The following MTUS2 variants were observed in gnomAD, a reference collection of about 807,000 sequenced individuals.
The protein encoded by MTUS2 is microtubule-associated tumor suppressor candidate 2.
MTUS2 carries 40 observed loss-of-function variants against 114.1 expected under a neutral mutation model. The ratio of observed to expected loss-of-function variants is 0.35; its 90% confidence interval spans 0.27 to 0.46. The LOEUF is 0.46. Among genes scored for constraint, MTUS2 ranks in the 20% least tolerant of loss-of-function variants. MTUS2 has a pLI of 1.00. For synonymous variants in MTUS2, 688 were observed against 672.0 expected, an observed-to-expected ratio of 1.02 and a Z score of -0.37; for missense variants, 1,679 against 1,705.4, an observed-to-expected ratio of 0.98 and a Z score of 0.27.
At chr13:28,976,426 C>G (rs1351300602) in intron 2 of MTUS2, among the ~76,000 whole-genome samples, 5 of 152,106 alleles carry the variant, frequency 3.3e-5, no homozygotes, top group African/African-American at 1.2e-4. Context: ...GCCTGGCTTT[C>G]ATCGAGTAAG....
intron 2 of MTUS2, among the ~76,000 whole-genome samples, chr13:28,964,505 T>G (rs7335917): frequency 6.6e-6 from 1 of 152,098 alleles, no homozygotes; most frequent in Non-Finnish European, 1.5e-5. Flanking sequence ...AGTCTTGTCT[T>G]GTTCACTGGC....
chr13:29,314,864 A>G (rs1211218768), intron 6 of MTUS2, among the ~76,000 whole-genome samples: 1 of 152,208 alleles, frequency 6.6e-6, no homozygotes, highest in Non-Finnish European at 1.5e-5. Context: ...TTGTAGAGGT[A>G]TCTGGACTCT....
intron 7 of MTUS2, among the ~76,000 whole-genome samples, chr13:29,354,139 A>T (rs1010483430): frequency 6.6e-6 from 1 of 152,184 alleles, no homozygotes; most frequent in African/African-American, 2.4e-5. Flanking sequence ...AGCTTAAGCA[A>T]CTGTAGACTC....
At chr13:29,106,154 C>T (rs552734908) in intron 5 of MTUS2, among the ~76,000 whole-genome samples, 2 of 152,274 alleles carry the variant, frequency 1.3e-5, no homozygotes, top group African/African-American at 4.8e-5. Context: ...CTCCGATGTC[C>T]CTCTAGAACT....
At chr13:28,908,280 A>G (rs561818233) in intron 2 of MTUS2, among the ~76,000 whole-genome samples, 2 of 151,312 alleles carry the variant, frequency 1.3e-5, no homozygotes, top group Admixed American at 6.6e-5. Context: ...TCCAAACGCT[A>G]TCCCTTCCAC....
At chr13:29,012,379 C>T (rs561884644) in intron 2 of MTUS2, among the ~76,000 whole-genome samples, 1 of 152,264 alleles carries the variant, frequency 6.6e-6, no homozygotes, top group South Asian at 2.1e-4. Flanking sequence ...TTGGGATTCT[C>T]CGGCAGCTAC....
At chr13:29,022,933 C>T (rs1011238790) in intron 2 of MTUS2, among the ~76,000 whole-genome samples, 4 of 152,138 alleles carry the variant, frequency 2.6e-5, no homozygotes, top group Admixed American at 1.3e-4. Flanking sequence ...ATACATAATA[C>T]GTGCCTAATA....
chr13:29,281,675 A>G (rs1320200697), intron 5 of MTUS2, 29 bp from the exon 6 acceptor site: 10 of 1,564,174 alleles, frequency 6.4e-6, no homozygotes, highest in Non-Finnish European at 8.7e-6. Context: ...TCATGAAGTT[A>G]TAATTAACAC....
intron 8 of MTUS2, among the ~76,000 whole-genome samples, chr13:29,385,943 TTTATAATG>T (rs762702135): frequency 2.0e-5 from 3 of 152,196 alleles, no homozygotes; most frequent in Non-Finnish European, 4.4e-5. Context: ...TGTAGCACAT[TTTATAATG>T]AAGCCTATAA....
rs1377629995 is a variant in MTUS2 at position 29,195,109 on chromosome 13, G to C, written c.2645-86595G>C. ...GGACTGTTGTGGGGTGGGGGGAGGG[G>C]GTAGGGATAGCATTAGGAGATATAC... On this transcript the variant is annotated intron_variant, in intron 5 of 15. Coordinates refer to ENST00000612955, the MANE Select transcript of MTUS2 (RefSeq NM_001033602.4). Among the ~76,000 whole-genome samples the C allele has an allele frequency of 2.2e-5, 3 of 135,996 alleles. No individual in the cohort carries two copies. The East Asian group carries it at 7.3e-4, about 33-fold the overall frequency. The allele number at this position is 135,996 out of a possible 152,430, so 89.2% of individuals were successfully genotyped here.
rs1418073850 is a variant in MTUS2 at position 29,133,722 on chromosome 13, T to G, written c.2644+32752T>G. On this transcript the variant is annotated intron_variant, in intron 5 of 15. Coordinates refer to ENST00000612955, the MANE Select transcript of MTUS2 (RefSeq NM_001033602.4). ...TCATGAGTCTGTATGTCTATCTTTTTGCAGTACCACACTGATTTGATTACT... is the reference window on the plus strand; with the variant it reads ...TCATGAGTCTGTATGTCTATCTTTTGGCAGTACCACACTGATTTGATTACT... 2.0e-5 allele frequency among the ~76,000 whole-genome samples: 3 copies of G among 152,240 alleles called. No individual in the cohort carries two copies. The East Asian group carries it at 5.8e-4, about 29-fold the overall frequency.
At chr13:29,190,847 G>T (rs1894418022) in intron 5 of MTUS2, among the ~76,000 whole-genome samples, 1 of 152,184 alleles carries the variant, frequency 6.6e-6, no homozygotes, top group Non-Finnish European at 1.5e-5. Context: ...CAGTTGACCT[G>T]ACGTTCACTG....
intron 2 of MTUS2, among the ~76,000 whole-genome samples, chr13:28,909,028 T>G (rs1252875695): frequency 6.6e-6 from 1 of 151,552 alleles, no homozygotes; most frequent in Non-Finnish European, 1.5e-5. Flanking sequence ...CTGAGGGCTG[T>G]GTTCTGTTCC....
At chr13:29,132,281 TC>T (rs1370266442) in intron 5 of MTUS2, among the ~76,000 whole-genome samples, 27 of 152,320 alleles carry the variant, frequency 1.8e-4, no homozygotes, top group African/African-American at 6.5e-4. Context: ...CCTGTTCTCT[TC>T]AAATTCTTCT....
intron 4 of MTUS2, among the ~76,000 whole-genome samples, chr13:29,068,285 A>G (rs9508253): frequency 0.23 from 34,569 of 152,210 alleles, 4,410 homozygotes; most frequent in Non-Finnish European, 0.29. Flanking sequence ...TGTGCATTCA[A>G]CAAACAAAAT....
chr13:29,194,879 A>G (rs1182858268), intron 5 of MTUS2, among the ~76,000 whole-genome samples: 1 of 150,706 alleles, frequency 6.6e-6, no homozygotes, highest in Non-Finnish European at 1.5e-5. Context: ...GATTAAGAAA[A>G]TGTGGCACAT....
At chr13:29,468,366 G>A (rs759655237) in intron 9 of MTUS2, among the ~76,000 whole-genome samples, 1 of 152,100 alleles carries the variant, frequency 6.6e-6, no homozygotes, top group Non-Finnish European at 1.5e-5. Flanking sequence ...ATTACTTGTG[G>A]TCAGCAGTTC....
chr13:28,978,191 A>G (rs1039602846), intron 2 of MTUS2, among the ~76,000 whole-genome samples: 11 of 152,252 alleles, frequency 7.2e-5, no homozygotes, highest in Non-Finnish European at 1.3e-4. Flanking sequence ...GAATATAGAA[A>G]GTTAAGTGAA....
chr13:29,441,059 C>A (rs1877808949), intron 9 of MTUS2, among the ~76,000 whole-genome samples: 1 of 152,212 alleles, frequency 6.6e-6, no homozygotes. Flanking sequence ...GCAATGGTCT[C>A]TTCTCCTCTC....
Sources: gnomAD v4.1 joint callset for allele counts (sites outside exome capture counted in the v4.1 genomes callset) on GRCh38, gnomAD v4.1.1 for gene constraint, MANE v1.5 for transcripts, NCBI Gene and HGNC (gene_info 2026-07-23, HGNC 2026-07-21) for gene names.